The following C12orf42 variants were observed in gnomAD, a reference collection of about 807,000 sequenced individuals.
C12orf42 encodes uncharacterized protein C12orf42.
Under a neutral mutation model 21.6 loss-of-function variants are expected in C12orf42, and 25 were observed. The ratio of observed to expected loss-of-function variants is 1.16; its 90% CI spans 0.84 to 1.62. C12orf42 has a LOEUF of 1.62. Among genes scored for constraint, C12orf42 ranks in the 40% most tolerant of loss-of-function variants. C12orf42 has a pLI of 0.00. For synonymous variants in C12orf42, 174 were observed against 175.0 expected (o/e 0.99, Z 0.05); for missense variants, 483 against 459.3 (o/e 1.05, Z -0.47).
At chr12:103,343,210 T>C (rs988876862) in intron 4 of C12orf42, among the ~76,000 whole-genome samples, 4 of 152,200 alleles carry the variant, frequency 2.6e-5, no homozygotes, top group African/African-American at 9.6e-5. Context: ...ATTTCATATC[T>C]TCCTTTAATT....
At chr12:103,468,413 G>A (rs1275440574) in intron 2 of C12orf42, among the ~76,000 whole-genome samples, 1 of 152,188 alleles carries the variant, frequency 6.6e-6, no homozygotes, top group Non-Finnish European at 1.5e-5. Context: ...CGTAATGCAT[G>A]TAATAGTTAC....
At chr12:103,293,991 C>A (rs1276258631) in intron 4 of C12orf42, among the ~76,000 whole-genome samples, 3 of 152,098 alleles carry the variant, frequency 2.0e-5, no homozygotes, top group Admixed American at 1.3e-4. Context: ...ATTCTGTCTC[C>A]AGTACAACAC....
chr12:103,055,351 G>C, the C12orf42 span, among the ~76,000 whole-genome samples: 149 of 151,982 alleles, frequency 9.8e-4, no homozygotes, highest in African/African-American at 3.4e-3. Context: ...TGTGTGTAGA[G>C]TTCTTCATAG....
At chr12:103,493,322 T>C (rs1043192068) in intron 1 of C12orf42, among the ~76,000 whole-genome samples, 8 of 152,110 alleles carry the variant, frequency 5.3e-5, no homozygotes, top group African/African-American at 1.9e-4. Context: ...TTCAGCCACA[T>C]CAGCGTTGCT....
chr12:103,275,946 TC>T (rs2035747601), intron 5 of C12orf42, among the ~76,000 whole-genome samples: 1 of 152,104 alleles, frequency 6.6e-6, no homozygotes, highest in African/African-American at 2.4e-5. Flanking sequence ...GGTGGCATGC[TC>T]CTGTAATCCC....
At chr12:103,180,692 G>T in the C12orf42 span, among the ~76,000 whole-genome samples, 1 of 127,832 alleles carries the variant, frequency 7.8e-6, no homozygotes, top group Non-Finnish European at 1.6e-5. Context: ...GCAATGGCGT[G>T]ATCTCGGCTC....
chr12:103,287,100 T>C (rs566075091), intron 4 of C12orf42, among the ~76,000 whole-genome samples: 16 of 152,212 alleles, frequency 1.1e-4, no homozygotes, highest in Non-Finnish European at 1.0e-4. Flanking sequence ...TTTTACACTG[T>C]TGGTGGTACT....
At chr12:103,293,562 T>C (rs2036959378) in intron 4 of C12orf42, among the ~76,000 whole-genome samples, 1 of 152,162 alleles carries the variant, frequency 6.6e-6, no homozygotes, top group South Asian at 2.1e-4. Context: ...GATCTCTCCC[T>C]TCTCTAACTT....
At chr12:103,528,062 G>A in the C12orf42 span, among the ~76,000 whole-genome samples, 1 of 152,082 alleles carries the variant, frequency 6.6e-6, no homozygotes, top group Non-Finnish European at 1.5e-5. Context: ...ATAGACTTTA[G>A]TTATACTTCT....
At chr12:103,515,275 C>T in the C12orf42 span, among the ~76,000 whole-genome samples, 2 of 152,170 alleles carry the variant, frequency 1.3e-5, no homozygotes, top group Non-Finnish European at 2.9e-5. Flanking sequence ...TGCTGTTTTA[C>T]ATTTAAGAAC....
chr12:103,098,437 G>C, the C12orf42 span, among the ~76,000 whole-genome samples: 276 of 152,122 alleles, frequency 1.8e-3, 5 homozygotes, highest in Admixed American at 0.017. Context: ...ACTTACTAAA[G>C]ATACCAGAGA....
At chr12:103,547,669 C>T in the C12orf42 span, 7 of 151,590 alleles carry the variant, frequency 4.6e-5, no homozygotes, top group East Asian at 1.9e-4. Flanking sequence ...TCCTTAAGCA[C>T]GAAGTTCTTC....
At chr12:103,241,239 C>T (rs1332188376) in intron 10 of C12orf42, among the ~76,000 whole-genome samples, 2 of 151,130 alleles carry the variant, frequency 1.3e-5, no homozygotes, top group Non-Finnish European at 2.9e-5. Context: ...AGTCTTCCTT[C>T]TCCTGTCCCT....
chr12:103,306,978 A>G (rs770864484), intron 4 of C12orf42, among the ~76,000 whole-genome samples: 60 of 152,188 alleles, frequency 3.9e-4, no homozygotes, highest in Non-Finnish European at 7.5e-4. Flanking sequence ...CTGCAAGCCA[A>G]GGAACACCTG....
the C12orf42 span, among the ~76,000 whole-genome samples, chr12:103,537,837 T>C: frequency 1.3e-5 from 2 of 152,342 alleles, no homozygotes; most frequent in South Asian, 4.2e-4. Context: ...AGTTGGATAA[T>C]ATAAAGTTAG....
chr12:103,145,999 A>G, the C12orf42 span, among the ~76,000 whole-genome samples: 9 of 152,092 alleles, frequency 5.9e-5, no homozygotes, highest in Non-Finnish European at 1.2e-4. Flanking sequence ...GGAGAAAACC[A>G]TCTGGGAGGT....
At chr12:103,278,571 T>A (rs1183663902) in intron 4 of C12orf42, among the ~76,000 whole-genome samples, 1 of 152,232 alleles carries the variant, frequency 6.6e-6, no homozygotes, top group Non-Finnish European at 1.5e-5. Flanking sequence ...GCTGGGCACG[T>A]GGCACCTGCC....
At chr12:103,537,919 T>C in the C12orf42 span, among the ~76,000 whole-genome samples, 1 of 152,210 alleles carries the variant, frequency 6.6e-6, no homozygotes, top group African/African-American at 2.4e-5. Flanking sequence ...AAAGGGAGAT[T>C]TGTGGCTGTA....
chr12:103,403,370 C>T (rs1210939827), intron 2 of C12orf42, among the ~76,000 whole-genome samples: 17 of 142,704 alleles, frequency 1.2e-4, no homozygotes, highest in Admixed American at 4.1e-4. Flanking sequence ...AGCGAGACTC[C>T]GTCTCAAAAA....
Sources: gnomAD v4.1 joint callset for allele counts (sites outside exome capture counted in the v4.1 genomes callset) on GRCh38, gnomAD v4.1.1 for gene constraint, MANE v1.5 for transcripts, NCBI Gene and HGNC (gene_info 2026-07-23, HGNC 2026-07-21) for gene names.